The following NFIA variants were observed in gnomAD, a reference collection of about 807,000 sequenced individuals.
NFIA encodes the protein nuclear factor 1 A-type.
Under a neutral mutation model 62.8 loss-of-function variants are expected in NFIA, and 8 were observed. The ratio of observed to expected loss-of-function variants is 0.13; its 90% confidence interval spans 0.07 to 0.23. The LOEUF (loss-of-function observed/expected upper bound fraction) is 0.23. Among genes scored for constraint, NFIA ranks in the 10% least tolerant of loss-of-function variants. The probability of loss-of-function intolerance (pLI) is 1.00; values close to 1 mark genes in which losing one functional copy is unlikely to be tolerated. For synonymous variants in NFIA, 235 were observed against 238.1 expected, an observed-to-expected ratio of 0.99 and a Z score of 0.12; for missense variants, 410 against 642.1, an observed-to-expected ratio of 0.64 and a Z score of 3.91.
intron 8 of NFIA, among the ~76,000 whole-genome samples, chr1:61,406,110 G>A (rs766858351): frequency 6.6e-6 from 1 of 151,990 alleles, no homozygotes; most frequent in Non-Finnish European, 1.5e-5. Flanking sequence ...TTCTATCTAT[G>A]TAAAGAAACA....
chr1:61,389,067 C>T (rs530556118), intron 7 of NFIA, among the ~76,000 whole-genome samples: 7 of 151,982 alleles, frequency 4.6e-5, no homozygotes, highest in East Asian at 1.9e-4. Context: ...TGAGCTATGA[C>T]GGCACTCCAG....
At chr1:61,269,218 T>TAAA (rs879632480) in intron 2 of NFIA, among the ~76,000 whole-genome samples, 1 of 138,298 alleles carries the variant, frequency 7.2e-6, no homozygotes, top group Non-Finnish European at 1.6e-5. Context: ...GTATAGAATT[T>TAAA]AAAAAAAAAA....
intron 3 of NFIA, 85 bp from the exon 4 acceptor site, chr1:61,332,427 T>C: frequency 7.8e-7 from 1 of 1,286,880 alleles, no homozygotes; most frequent in South Asian, 1.2e-5. Flanking sequence ...CATGTGTTAA[T>C]CATAATGAAA....
intron 3 of NFIA, among the ~76,000 whole-genome samples, chr1:61,287,556 G>A (rs1658584169): frequency 6.6e-6 from 1 of 152,028 alleles, no homozygotes; most frequent in Admixed American, 6.6e-5. Context: ...TGTAATCCCA[G>A]CACTTTGGGA....
At chr1:61,257,559 C>T (rs1459639494) in intron 2 of NFIA, among the ~76,000 whole-genome samples, 4 of 151,842 alleles carry the variant, frequency 2.6e-5, no homozygotes, top group East Asian at 1.9e-4. Context: ...AGGATGGTCT[C>T]GAACTCCTGA....
chr1:61,226,159 C>G (rs1163044626), intron 2 of NFIA, among the ~76,000 whole-genome samples: 4 of 152,156 alleles, frequency 2.6e-5, no homozygotes, highest in African/African-American at 7.2e-5. Flanking sequence ...AGTAGCATTA[C>G]AAGATTAGTG....
At chr1:61,414,263 A>C (rs948704852) in intron 9 of NFIA, among the ~76,000 whole-genome samples, 1 of 152,230 alleles carries the variant, frequency 6.6e-6, no homozygotes, top group South Asian at 2.1e-4. Context: ...GATTATAGGC[A>C]TTAGCCACTG....
intron 10 of NFIA, among the ~76,000 whole-genome samples, chr1:61,453,554 G>A (rs1311063796): frequency 6.8e-6 from 1 of 146,052 alleles, no homozygotes; most frequent in Non-Finnish European, 1.5e-5. Context: ...GTGGAGAACT[G>A]CTCCCCCTGC....
At chr1:61,176,137 G>A (rs531769877) in intron 2 of NFIA, among the ~76,000 whole-genome samples, 3 of 152,292 alleles carry the variant, frequency 2.0e-5, no homozygotes, top group East Asian at 1.9e-4. Context: ...TGCCCAGGCC[G>A]AAGAGCAAGG....
chr1:61,164,361 C>T (rs1159292315), intron 2 of NFIA, among the ~76,000 whole-genome samples: 2 of 152,152 alleles, frequency 1.3e-5, no homozygotes, highest in African/African-American at 4.8e-5. Flanking sequence ...GGAGACATCC[C>T]TTATGATTTA....
At chr1:61,160,545 G>T (rs1032190604) in intron 2 of NFIA, among the ~76,000 whole-genome samples, 2 of 152,220 alleles carry the variant, frequency 1.3e-5, no homozygotes, top group Admixed American at 6.5e-5. Flanking sequence ...GAAGATTGGG[G>T]AATTGAACCT....
intron 4 of NFIA, among the ~76,000 whole-genome samples, chr1:61,350,078 C>T (rs941199990): frequency 2.6e-5 from 4 of 152,190 alleles, no homozygotes; most frequent in Non-Finnish European, 5.9e-5. Context: ...ACCCTCATGA[C>T]AGACTGATCT....
intron 2 of NFIA, among the ~76,000 whole-genome samples, chr1:61,222,166 G>A (rs1654056054): frequency 6.6e-6 from 1 of 152,102 alleles, no homozygotes; most frequent in Non-Finnish European, 1.5e-5. Flanking sequence ...TTGTTATGGA[G>A]AAGTTTAAAA....
At chr1:61,389,260 C>G (rs944374059) in intron 7 of NFIA, among the ~76,000 whole-genome samples, 1 of 152,164 alleles carries the variant, frequency 6.6e-6, no homozygotes, top group Non-Finnish European at 1.5e-5. Context: ...TGCCTTATGT[C>G]TGCATGCCAA....
At chr1:61,195,207 G>C (rs761721590) in intron 2 of NFIA, among the ~76,000 whole-genome samples, 7 of 152,042 alleles carry the variant, frequency 4.6e-5, no homozygotes, top group Non-Finnish European at 1.0e-4. Context: ...TTCCTTTCCT[G>C]TTGTATTTTA....
intron 4 of NFIA, 91 bp downstream of exon 4, chr1:61,332,677 C>T: frequency 2.0e-6 from 2 of 1,016,410 alleles, no homozygotes; most frequent in Non-Finnish European, 3.0e-6. Flanking sequence ...AAAAAGCTTT[C>T]AGAATCTCCT....
intron 2 of NFIA, among the ~76,000 whole-genome samples, chr1:61,168,453 A>G (rs1373487244): frequency 6.6e-6 from 1 of 152,232 alleles, no homozygotes; most frequent in Non-Finnish European, 1.5e-5. Flanking sequence ...ATGATGGGGA[A>G]TGATTAAATA....
rs190855498 is a variant in NFIA, at chr1:61,257,287, G to A, written c.560-20233G>A. 4.0e-4 allele frequency among the ~76,000 whole-genome samples: 57 copies of A among 144,000 alleles called. 1 individual carries two copies. The East Asian group carries it at 0.012, about 29-fold the overall frequency. 94.5% of individuals were successfully genotyped at this position (144,000 alleles called of 152,430 possible). ...CATGTTTGTGCAGAGGTAGAGAATTGTCTCCAGTCATGATTTTGTTTTTTA... is the reference window on the plus strand; with the variant it reads ...CATGTTTGTGCAGAGGTAGAGAATTATCTCCAGTCATGATTTTGTTTTTTA... On this transcript the variant is annotated intron_variant, in intron 2 of 10. Coordinates refer to ENST00000403491, the MANE Select transcript of NFIA (RefSeq NM_001134673.4).
chr1:61,163,206 G>A (rs1458827422), intron 2 of NFIA, among the ~76,000 whole-genome samples: 1 of 152,128 alleles, frequency 6.6e-6, no homozygotes, highest in Non-Finnish European at 1.5e-5. Flanking sequence ...AGCTACATAG[G>A]AATAAGTTGT....
Sources: allele counts gnomAD v4.1 joint callset (sites outside exome capture counted in the v4.1 genomes callset), GRCh38; gene constraint gnomAD v4.1.1; transcripts MANE v1.5; gene names NCBI Gene and HGNC (gene_info 2026-07-23, HGNC 2026-07-21).